The following CDK19 variants were observed in gnomAD, a reference collection of about 807,000 sequenced individuals.
CDK19 encodes the protein cyclin-dependent kinase 19.
CDK19 carries 20 observed loss-of-function variants against 68.3 expected under a neutral mutation model. That is an observed-to-expected ratio of 0.29 (90% CI 0.21 to 0.43). The LOEUF is 0.43. Among genes scored for constraint, CDK19 ranks in the 20% least tolerant of loss-of-function variants. CDK19 has a pLI of 1.00. For synonymous variants in CDK19, 221 were observed against 222.8 expected, an observed-to-expected ratio of 0.99 and a Z score of 0.07; for missense variants, 339 against 623.5, an observed-to-expected ratio of 0.54 and a Z score of 4.86.
chr6:110,649,174 C>T (rs1317369556), intron 4 of CDK19, among the ~76,000 whole-genome samples: 1 of 151,838 alleles, frequency 6.6e-6, no homozygotes, highest in African/African-American at 2.4e-5. Flanking sequence ...GGATTTTGTT[C>T]CTATGGAACA....
intron 1 of CDK19, among the ~76,000 whole-genome samples, chr6:110,787,426 GTTTT>G (rs969504677): frequency 6.6e-6 from 1 of 151,504 alleles, no homozygotes; most frequent in Non-Finnish European, 1.5e-5. Context: ...TCTCCTCAAT[GTTTT>G]TTTTGTTTTG....
At chr6:110,781,991 G>A (rs536896691) in intron 1 of CDK19, among the ~76,000 whole-genome samples, 13 of 152,264 alleles carry the variant, frequency 8.5e-5, no homozygotes, top group Admixed American at 2.6e-4. Flanking sequence ...ACTTTGTGAA[G>A]TTTAAAAGCT....
At chr6:110,794,356 G>A (rs1482669113) in intron 1 of CDK19, among the ~76,000 whole-genome samples, 1 of 148,396 alleles carries the variant, frequency 6.7e-6, no homozygotes, top group Non-Finnish European at 1.5e-5. Flanking sequence ...GTTCTTCCCA[G>A]TGTTAAATGA....
At chr6:110,688,566 G>GT (rs1255164625) in intron 2 of CDK19, among the ~76,000 whole-genome samples, 2 of 152,198 alleles carry the variant, frequency 1.3e-5, no homozygotes, top group African/African-American at 2.4e-5. Context: ...GCAAAAAACT[G>GT]TAAGTCTCCT....
At chr6:110,657,554 C>A (rs1562167017) in intron 4 of CDK19, among the ~76,000 whole-genome samples, 1 of 152,040 alleles carries the variant, frequency 6.6e-6, no homozygotes, top group Non-Finnish European at 1.5e-5. Context: ...AATAAAATAG[C>A]GTGCCTAAAT....
chr6:110,805,106 A>G (rs1325787454), intron 1 of CDK19, among the ~76,000 whole-genome samples: 4 of 152,160 alleles, frequency 2.6e-5, no homozygotes, highest in African/African-American at 9.7e-5. Context: ...TTCTCTCGTG[A>G]GACTCTCTTT....
In CDK19 at chr6:110,667,462, T is replaced by A. The variant is rs752285573; in HGVS notation, c.428A>T (p.His143Leu). 1 of 1,589,302 alleles carries A rather than the reference T, an allele frequency of 6.3e-7. No homozygotes were observed. Among genetic ancestry groups the A allele is most frequent in the Non-Finnish European group, 8.6e-7 (1 of 1,167,454 alleles). The change falls in exon 4 of 13, where the codon CAT becomes CTT. Residue 143 changes from histidine to leucine, a missense_variant. Coordinates refer to ENST00000368911, the MANE Select transcript of CDK19 (RefSeq NM_015076.5). ...GTCTCTGTGAAGCACCCAATTTGCA[T>A]GGAGGTAATGGATACCATCAAGAAT... ...YQILDGIHYL[H>L]ANWVLHRDLK...
At chr6:110,681,238 C>T (rs919437893) in intron 2 of CDK19, among the ~76,000 whole-genome samples, 1 of 151,484 alleles carries the variant, frequency 6.6e-6, no homozygotes, top group African/African-American at 2.4e-5. Context: ...CCCAGCTACT[C>T]GAGAGACTAA....
intron 1 of CDK19, among the ~76,000 whole-genome samples, chr6:110,806,028 G>A (rs938242202): frequency 6.7e-6 from 1 of 150,284 alleles, no homozygotes; most frequent in Non-Finnish European, 1.5e-5. Flanking sequence ...ATGATTTATA[G>A]CTCATTTTTA....
At chr6:110,763,110 T>G (rs1366955906) in intron 1 of CDK19, among the ~76,000 whole-genome samples, 2 of 152,140 alleles carry the variant, frequency 1.3e-5, no homozygotes, top group Admixed American at 6.6e-5. Flanking sequence ...AAGTTCAGAA[T>G]AGAGAAACTA....
intron 2 of CDK19, among the ~76,000 whole-genome samples, chr6:110,735,889 G>T (rs1777214970): frequency 1.3e-5 from 2 of 152,200 alleles, no homozygotes; most frequent in Non-Finnish European, 2.9e-5. Context: ...ATGAGATTCA[G>T]TTGATACTGC....
intron 1 of CDK19, among the ~76,000 whole-genome samples, chr6:110,773,424 A>G (rs866167741): frequency 1.3e-5 from 2 of 152,110 alleles, no homozygotes; most frequent in African/African-American, 4.8e-5. Context: ...TGGGACCTAT[A>G]GCATGAATGC....
chr6:110,759,282 G>A (rs1479160695), intron 1 of CDK19, among the ~76,000 whole-genome samples: 2 of 150,602 alleles, frequency 1.3e-5, no homozygotes, highest in South Asian at 4.2e-4. Flanking sequence ...GCGGGTGCCT[G>A]TAGTCCCAGC....
At chr6:110,689,080 C>T (rs1318743133) in intron 2 of CDK19, among the ~76,000 whole-genome samples, 1 of 152,126 alleles carries the variant, frequency 6.6e-6, no homozygotes, top group East Asian at 1.9e-4. Context: ...CGGTGGGTGT[C>T]AGATCTGCCT....
chr6:110,724,429 C>T (rs1405083949), intron 2 of CDK19, among the ~76,000 whole-genome samples: 3 of 152,058 alleles, frequency 2.0e-5, no homozygotes, highest in South Asian at 2.1e-4. Context: ...CCCTGCTCAT[C>T]CTTAGGGACA....
At chr6:110,740,336 T>C (rs780058161) in intron 2 of CDK19, among the ~76,000 whole-genome samples, 1 of 152,218 alleles carries the variant, frequency 6.6e-6, no homozygotes, top group Non-Finnish European at 1.5e-5. Context: ...AACTTCCCTG[T>C]AATCCCAGGC....
intron 1 of CDK19, 74 bp from the exon 2 acceptor site, chr6:110,746,275 G>T: frequency 1.2e-6 from 1 of 828,824 alleles, no homozygotes; most frequent in Non-Finnish European, 2.0e-6. Flanking sequence ...CAAAAACAAT[G>T]GAAATGCACT....
intron 2 of CDK19, among the ~76,000 whole-genome samples, chr6:110,712,442 A>G (rs1775016236): frequency 6.6e-6 from 1 of 152,234 alleles, no homozygotes; most frequent in Non-Finnish European, 1.5e-5. Flanking sequence ...ATACTGAATC[A>G]GCATTAAATA....
At position 110,611,505 on chromosome 6, in the gene CDK19, A is replaced by T. The variant is rs2114527949; in HGVS notation, c.*3030T>A. On this transcript the variant is annotated 3_prime_UTR_variant, in exon 13 of 13. Transcript: ENST00000368911. ...GTGTGTTAAAAAGGCTTTGTTCCCA[A>T]CTGGGTGCGGTGGCTCACACCTATA... 1.3e-5 allele frequency: 2 copies of T among 152,308 alleles called. 1 individual carries two copies. The highest frequency in any genetic ancestry group is 4.2e-4 in the South Asian group (2 of 4,818). 9.4% of individuals were successfully genotyped at this position (152,308 alleles called of 1,614,324 possible).
Sources: gnomAD v4.1 joint callset for allele counts (sites outside exome capture counted in the v4.1 genomes callset) on GRCh38, gnomAD v4.1.1 for gene constraint, MANE v1.5 for transcripts, NCBI Gene and HGNC (gene_info 2026-07-23, HGNC 2026-07-21) for gene names.